The following TACC1 variants were observed in gnomAD, a reference collection of about 807,000 sequenced individuals.
TACC1 encodes the protein transforming acidic coiled-coil containing protein 1.
In TACC1, 48 loss-of-function variants were observed where a neutral mutation model predicts 84.4. The observed-to-expected ratio is 0.57, with a 90% CI of 0.45 to 0.72. The LOEUF (loss-of-function observed/expected upper bound fraction) is 0.72. Ranked by LOEUF, TACC1 falls within the 30% of genes least tolerant of loss-of-function variation. The probability of loss-of-function intolerance (pLI) is 0.00; values close to 1 mark genes in which losing one functional copy is unlikely to be tolerated. For missense variants in TACC1, 920 were observed against 973.0 expected (o/e 0.95, Z 0.72); for synonymous variants, 372 against 376.3 (o/e 0.99, Z 0.13).
At chr8:38,794,261 A>G (rs1157774306) in intron 2 of TACC1, among the ~76,000 whole-genome samples, 1 of 152,200 alleles carries the variant, frequency 6.6e-6, no homozygotes, top group Non-Finnish European at 1.5e-5. Context: ...TAGACTTTTA[A>G]CTTTTGCCCA....
chr8:38,827,037 T>A, intron 4 of TACC1, 131 bp from the exon 5 acceptor site: 6 of 704,672 alleles, frequency 8.5e-6, no homozygotes, highest in Non-Finnish European at 1.4e-5. Flanking sequence ...CCTTGCTTTG[T>A]ACCCAGGTCT....
chr8:38,769,710 G>GGT (rs36197847), intron 3 of TACC1, among the ~76,000 whole-genome samples: 28,999 of 134,414 alleles, frequency 0.22, 3,524 homozygotes, highest in Non-Finnish European at 0.27. Flanking sequence ...TTGTGTGTGT[G>GGT]GTGTGTGTGT....
At chr8:38,776,807 T>G (rs755656147) in intron 3 of TACC1, among the ~76,000 whole-genome samples, 1 of 152,210 alleles carries the variant, frequency 6.6e-6, no homozygotes, top group Non-Finnish European at 1.5e-5. Flanking sequence ...TGTAATCCTG[T>G]TCAGAAGAAT....
At chr8:38,775,310 G>A (rs1299036437) in intron 3 of TACC1, among the ~76,000 whole-genome samples, 1 of 152,164 alleles carries the variant, frequency 6.6e-6, no homozygotes, top group Non-Finnish European at 1.5e-5. Context: ...CTTTGGCAAA[G>A]GTCCTTTCCA....
chr8:38,817,782 C>T (rs1311371106), intron 2 of TACC1, among the ~76,000 whole-genome samples: 1 of 151,704 alleles, frequency 6.6e-6, no homozygotes, highest in Non-Finnish European at 1.5e-5. Context: ...TGTGTGAATG[C>T]TTTAAAAAAG....
intron 5 of TACC1, among the ~76,000 whole-genome samples, chr8:38,828,934 G>T (rs1181879445): frequency 1.3e-5 from 2 of 152,108 alleles, no homozygotes; most frequent in Non-Finnish European, 2.9e-5. Context: ...GTACAGATGT[G>T]GTAAGTTGAG....
chr8:38,745,780 G>T (rs550147557), intron 3 of TACC1, among the ~76,000 whole-genome samples: 1 of 152,226 alleles, frequency 6.6e-6, no homozygotes, highest in East Asian at 1.9e-4. Context: ...CTGACCTCAG[G>T]TGATCCACCT....
At chr8:38,796,356 A>C (rs974486806) in intron 2 of TACC1, among the ~76,000 whole-genome samples, 1 of 152,230 alleles carries the variant, frequency 6.6e-6, no homozygotes, top group African/African-American at 2.4e-5. Context: ...GTTGTTCACT[A>C]TCTGAAGAGA....
At chr8:38,831,095 G>A (rs780722693) in intron 5 of TACC1, 30 bp from the exon 6 acceptor site, 3 of 1,613,296 alleles carry the variant, frequency 1.9e-6, no homozygotes, top group Non-Finnish European at 2.5e-6. Context: ...GACTTCTTGG[G>A]ATAACTATAA....
chr8:38,843,381 A>G lies in TACC1; in HGVS notation c.2214A>G (p.Glu738=), dbSNP rs188804240. ...ACCAGGCCCTGAAAATCCACGCAGA[A>G]GAGAAACTGGACAAGTAAGAGCTTG... is the stretch of plus-strand genomic sequence containing the variant. ...QRYQALKIHA[E]EKLDKANEEI... is the part of the protein sequence containing the mutation. The change falls in exon 11 of 13, where the codon GAA becomes GAG. Residue 738 remains glutamate, a synonymous_variant. Coordinates refer to ENST00000317827, the MANE Select transcript of TACC1 (RefSeq NM_006283.3). 1.5e-5 allele frequency: 24 copies of G among 1,606,974 alleles called. No individual in the cohort carries two copies. In the Admixed American group the frequency reaches 2.5e-4, roughly 17 times the overall value.
intron 2 of TACC1, among the ~76,000 whole-genome samples, chr8:38,812,189 CATCAGTAATTCTAATTTTGCCGT>C (rs1824343508): frequency 6.6e-6 from 1 of 152,180 alleles, no homozygotes; most frequent in Non-Finnish European, 1.5e-5. Context: ...CATAGACTCT[CATCAGTAATTCTAATTTTGCCGT>C]TTGCCTTGTG....
intron 5 of TACC1, among the ~76,000 whole-genome samples, chr8:38,828,473 A>G (rs543395757): frequency 2.0e-5 from 3 of 152,364 alleles, no homozygotes; most frequent in Admixed American, 2.0e-4. Context: ...GGAAAACTGT[A>G]CTTTTATAGA....
chr8:38,825,461 C>G, intron 4 of TACC1, 93 bp downstream of exon 4: 5 of 1,306,752 alleles, frequency 3.8e-6, no homozygotes, highest in Admixed American at 1.7e-5. Flanking sequence ...AAAGGACTTT[C>G]CAATGGGTAC....
chr8:38,847,587 G>A (rs1439566080), intron 12 of TACC1, among the ~76,000 whole-genome samples: 1 of 152,200 alleles, frequency 6.6e-6, no homozygotes, highest in Non-Finnish European at 1.5e-5. Flanking sequence ...CTCCCTGGGA[G>A]ATTCAGACTC....
At chr8:38,831,621 A>C (rs1012658972) in intron 6 of TACC1, among the ~76,000 whole-genome samples, 6 of 151,922 alleles carry the variant, frequency 3.9e-5, no homozygotes, top group Admixed American at 2.0e-4. Flanking sequence ...ACAGCCTCCC[A>C]AGTAGCTGGA....
At chr8:38,748,018 A>G (rs1226143395) in intron 3 of TACC1, among the ~76,000 whole-genome samples, 1 of 152,044 alleles carries the variant, frequency 6.6e-6, no homozygotes. Flanking sequence ...AAACTGCTCT[A>G]AAAAAATAAA....
chr8:38,738,175 A>AG (rs1208003843), intron 1 of TACC1, among the ~76,000 whole-genome samples: 1 of 152,020 alleles, frequency 6.6e-6, no homozygotes, highest in Non-Finnish European at 1.5e-5. Context: ...CTGAGGCAGG[A>AG]GGAGCCCTTG....
At position 38,754,445 on chromosome 8, in the gene TACC1, A is replaced by G. The variant is rs138062914; in HGVS notation, c.26+8952A>G. On this transcript the variant is annotated intron_variant, in intron 3 of 14. Transcript: ENST00000518415. ...ACTGGGAATAAAGACCTTTCTCACC[A>G]GCAGAGGCTGAGCGTTCCTCTGAAG... Among the ~76,000 whole-genome samples, 578 of 152,328 alleles carry G rather than the reference A, an allele frequency of 3.8e-3. 2 individuals carry two copies. The highest frequency in any genetic ancestry group is 0.013 in the African/African-American group (559 of 41,564).
At chr8:38,765,566 T>G (rs1471188949) in intron 3 of TACC1, among the ~76,000 whole-genome samples, 2 of 152,222 alleles carry the variant, frequency 1.3e-5, no homozygotes, top group African/African-American at 2.4e-5. Flanking sequence ...CAGCTTTCCC[T>G]TGATGGTTTT....
Sources: gnomAD v4.1 joint callset for allele counts (sites outside exome capture counted in the v4.1 genomes callset) on GRCh38, gnomAD v4.1.1 for gene constraint, MANE v1.5 for transcripts, NCBI Gene and HGNC (gene_info 2026-07-23, HGNC 2026-07-21) for gene names.